The following TBC1D8 variants were observed in gnomAD, a reference collection of about 807,000 sequenced individuals.
TBC1D8 encodes TBC1 domain family member 8.
TBC1D8 carries 65 observed loss-of-function variants against 118.8 expected under a neutral mutation model. The ratio of observed to expected loss-of-function variants is 0.55; its 90% CI spans 0.45 to 0.67. The LOEUF is 0.67. TBC1D8 is among the 30% of genes least tolerant of loss of function. The probability of loss-of-function intolerance (pLI) is 0.00; values close to 1 mark genes in which losing one functional copy is unlikely to be tolerated. For missense variants in TBC1D8, 1,376 were observed against 1,471.2 expected (o/e 0.94, Z 1.06); for synonymous variants, 566 against 595.8 (o/e 0.95, Z 0.73).
At chr2:101,011,118 G>A (rs1679177356) in intron 18 of TBC1D8, 92 bp from the exon 19 acceptor site, 1 of 1,232,460 alleles carries the variant, frequency 8.1e-7, no homozygotes, top group African/African-American at 1.5e-5. Context: ...GCAAGGGGGT[G>A]AGGAATTCCA....
At chr2:101,066,553 T>A (rs1037318172) in intron 2 of TBC1D8, among the ~76,000 whole-genome samples, 1 of 152,202 alleles carries the variant, frequency 6.6e-6, no homozygotes, top group African/African-American at 2.4e-5. Flanking sequence ...ATTACACATA[T>A]GTACAGACAT....
intron 1 of TBC1D8, among the ~76,000 whole-genome samples, chr2:101,118,031 G>C (rs1421019479): frequency 2.0e-5 from 3 of 151,962 alleles, no homozygotes; most frequent in Non-Finnish European, 2.9e-5. Flanking sequence ...CTGGTTTGCT[G>C]AAGTTCCTGA....
chr2:101,125,819 A>G (rs978576800), intron 1 of TBC1D8, among the ~76,000 whole-genome samples: 10 of 152,214 alleles, frequency 6.6e-5, no homozygotes, highest in Non-Finnish European at 1.0e-4. Context: ...ATATCCACGC[A>G]TTAAATTCAG....
rs1430740423 is a variant in TBC1D8 at position 101,151,134 on chromosome 2, G to A, written c.120C>T (p.Arg40=). ...CCCCGGCGAGCCCCTTACCGGTGAG[G>A]CGGCCGCCCCCCTCGCCGTGCCCGC... ...RRRGHGEGGG[R]LTGRLVGALD... Residue 40 remains arginine (R), a synonymous_variant, in exon 1 of 20, where the codon CGC becomes CGT. Transcript: ENST00000409318. 7 of 1,155,006 alleles carry A rather than the reference G, an allele frequency of 6.1e-6. No homozygotes were observed. In the Admixed American group the frequency reaches 2.5e-4, roughly 41 times the overall value. 71.5% of individuals were successfully genotyped at this position (1,155,006 alleles called of 1,614,324 possible).
chr2:101,029,418 C>T, intron 12 of TBC1D8, 73 bp downstream of exon 12: 4 of 1,501,866 alleles, frequency 2.7e-6, no homozygotes, highest in Non-Finnish European at 3.6e-6. Flanking sequence ...AACTTCCCCA[C>T]CGATAGCCCT....
At chr2:101,105,629 T>C (rs1213466650) in intron 1 of TBC1D8, among the ~76,000 whole-genome samples, 1 of 150,312 alleles carries the variant, frequency 6.7e-6, no homozygotes, top group East Asian at 1.9e-4. Context: ...TATATAGTTG[T>C]CCAACATCTT....
At chr2:101,118,798 A>G (rs1677967148) in intron 1 of TBC1D8, among the ~76,000 whole-genome samples, 1 of 151,974 alleles carries the variant, frequency 6.6e-6, no homozygotes. Flanking sequence ...TTGAGTCCCC[A>G]CGAGTTCGAG....
intron 19 of TBC1D8, among the ~76,000 whole-genome samples, chr2:101,009,358 A>G (rs1396828320): frequency 6.6e-6 from 1 of 151,068 alleles, no homozygotes; most frequent in African/African-American, 2.4e-5. Context: ...GTGAGCCGAG[A>G]TCGTGCCACT....
At chr2:101,089,925 T>TA (rs1254650129) in intron 2 of TBC1D8, among the ~76,000 whole-genome samples, 9 of 139,700 alleles carry the variant, frequency 6.4e-5, no homozygotes, top group Non-Finnish European at 9.1e-5. Context: ...CGATGGTTTT[T>TA]AAAAAAAAAA....
At chr2:101,039,424 C>A (rs886877885) in intron 6 of TBC1D8, among the ~76,000 whole-genome samples, 38 of 152,252 alleles carry the variant, frequency 2.5e-4, no homozygotes, top group African/African-American at 8.7e-4. Context: ...TTGAGACCAG[C>A]CTGGGCAACA....
chr2:101,010,597 A>T (rs1442427578), intron 19 of TBC1D8, among the ~76,000 whole-genome samples: 2 of 152,100 alleles, frequency 1.3e-5, no homozygotes, highest in Non-Finnish European at 2.9e-5. Flanking sequence ...AAAACAGTTA[A>T]TTCTCGGTCG....
intron 19 of TBC1D8, 81 bp downstream of exon 19, chr2:101,010,848 C>T: frequency 1.6e-6 from 2 of 1,245,560 alleles, no homozygotes; most frequent in South Asian, 1.2e-5. Context: ...CGCCACTGTA[C>T]TCCAGCCTGG....
Position 101,007,992 on chromosome 2 carries a change from G to A in TBC1D8, c.3297C>T (p.Ser1099=). The part of the protein sequence containing the change: ...PEAAERDWTV[S]LEHILASLLT... Reference sequence around the variant, plus strand: ...GAAGTGAAGCTAAAATATGTTCAAGGGAGACAGTCCAGTCCCTTTCTGCCG... The same window carrying A: ...GAAGTGAAGCTAAAATATGTTCAAGAGAGACAGTCCAGTCCCTTTCTGCCG... The change falls in exon 20 of 20, where the codon TCC becomes TCT. Residue 1099 remains serine (S), a synonymous_variant. Transcript: ENST00000409318. 6.2e-7 allele frequency: 1 copy of A among 1,613,996 alleles called. No individual in the cohort carries two copies. The highest frequency in any genetic ancestry group is 8.5e-7 in the Non-Finnish European group (1 of 1,179,888).
At chr2:101,021,792 C>T (rs1299602592) in intron 16 of TBC1D8, 46 bp from the exon 17 acceptor site, 4 of 1,272,226 alleles carry the variant, frequency 3.1e-6, no homozygotes, top group Non-Finnish European at 4.5e-6. Flanking sequence ...TGCTGAAAGT[C>T]CATTTGTCAG....
At position 101,043,028 on chromosome 2, in the gene TBC1D8, CAG is replaced by C. The variant is rs1681477741; in HGVS notation, c.873-2645_873-2644del. ...TGACTTACAGGCAGCAGCCATCACA[CAG>C]AGATGGCACAATCCATGGAATTTAC... On this transcript the variant is annotated intron_variant, in intron 5 of 19. Transcript: ENST00000409318. Among the ~76,000 whole-genome samples, 3 of 152,174 alleles carry C rather than the reference CAG, an allele frequency of 2.0e-5. No individual in the cohort carries two copies. In the South Asian group the frequency reaches 6.2e-4, roughly 32 times the overall value.
intron 2 of TBC1D8, among the ~76,000 whole-genome samples, chr2:101,063,039 C>T (rs891605643): frequency 1.3e-5 from 2 of 152,152 alleles, no homozygotes; most frequent in East Asian, 1.9e-4. Flanking sequence ...CCACTTACAG[C>T]GAGCTGTCTC....
At chr2:101,076,641 C>G (rs978285571) in intron 2 of TBC1D8, among the ~76,000 whole-genome samples, 1 of 152,156 alleles carries the variant, frequency 6.6e-6, no homozygotes, top group Admixed American at 6.5e-5. Context: ...TTCAACAGGT[C>G]AGTGGCATGA....
rs779770874 is a variant in TBC1D8, at chr2:101,028,083, G to A, written c.2416C>T (p.Leu806Phe). ...HLRYKHRIRV[L>F]QGHEDTTKQN... Reference sequence around the variant, plus strand: ...TTTGTGGTGTCCTCGTGGCCTTGGAGGACCCTGATCCTGTGCTTGTAACGT... The same window carrying A: ...TTTGTGGTGTCCTCGTGGCCTTGGAAGACCCTGATCCTGTGCTTGTAACGT... The change falls in exon 14 of 20, where the codon CTC (leucine) becomes TTC (phenylalanine). Residue 806 changes from leucine to phenylalanine, a missense_variant. Coordinates refer to ENST00000409318, the MANE Select transcript of TBC1D8 (RefSeq NM_001330348.2). The A allele has an allele frequency of 6.2e-7, 1 of 1,614,006 alleles. No individual in the cohort carries two copies. The highest frequency in any genetic ancestry group is 1.7e-5 in the Admixed American group (1 of 60,024).
intron 1 of TBC1D8, among the ~76,000 whole-genome samples, chr2:101,112,959 G>A (rs1388118171): frequency 6.6e-6 from 1 of 152,144 alleles, no homozygotes; most frequent in Non-Finnish European, 1.5e-5. Flanking sequence ...TCTGCCTTGG[G>A]TCAAGTACTT....
Sources: gnomAD v4.1 joint callset for allele counts (sites outside exome capture counted in the v4.1 genomes callset) on GRCh38, gnomAD v4.1.1 for gene constraint, MANE v1.5 for transcripts, NCBI Gene and HGNC (gene_info 2026-07-23, HGNC 2026-07-21) for gene names.